Variants in SH3GL2 observed in about 807,000 individuals in gnomAD.
SH3GL2 encodes the protein SH3 domain containing GRB2 like 2, endophilin A1.
A neutral mutation model predicts 46.0 loss-of-function variants in SH3GL2; 24 were observed. The ratio of observed to expected loss-of-function variants is 0.52; its 90% CI spans 0.38 to 0.73. SH3GL2 has a LOEUF of 0.73. Ranked by LOEUF, SH3GL2 falls within the 30% of genes least tolerant of loss-of-function variation. The pLI, the probability that SH3GL2 is intolerant of heterozygous loss-of-function variation, is 0.00. For missense variants in SH3GL2, 413 were observed against 424.2 expected (o/e 0.97, Z 0.23); for synonymous variants, 196 against 147.1 (o/e 1.33, Z -2.40).
intron 1 of SH3GL2, among the ~76,000 whole-genome samples, chr9:17,614,944 T>C (rs1317990812): frequency 6.6e-6 from 1 of 152,092 alleles, no homozygotes; most frequent in Non-Finnish European, 1.5e-5. Context: ...CATTTCCAGG[T>C]ATAGGGGCAA....
intron 1 of SH3GL2, among the ~76,000 whole-genome samples, chr9:17,654,243 C>T (rs1333041427): frequency 6.6e-6 from 1 of 152,182 alleles, no homozygotes; most frequent in Non-Finnish European, 1.5e-5. Context: ...CTGAATCATC[C>T]TTTCTCTGTC....
At position 17,734,954 on chromosome 9, in the gene SH3GL2, G is replaced by A. The variant is rs551936219; in HGVS notation, c.46-12112G>A. 3.9e-5 allele frequency among the ~76,000 whole-genome samples: 6 copies of A among 152,158 alleles called. No individual in the cohort carries two copies. In the East Asian group the frequency reaches 1.2e-3, roughly 29 times the overall value. On this transcript the variant is annotated intron_variant, in intron 1 of 8. Transcript: ENST00000380607. The stretch of plus-strand genomic sequence containing the variant: ...TACTTTAAACGGGTGAACTTTATGG[G>A]ATATAAATGATATCTTTACAAAGTA...
At chr9:17,782,040 A>G (rs972202491) in intron 3 of SH3GL2, among the ~76,000 whole-genome samples, 8 of 152,174 alleles carry the variant, frequency 5.3e-5, no homozygotes, top group African/African-American at 1.9e-4. Context: ...GCACTTGCAC[A>G]TTATAGGTGC....
At chr9:17,680,605 A>T (rs1324797840) in intron 1 of SH3GL2, among the ~76,000 whole-genome samples, 4 of 152,002 alleles carry the variant, frequency 2.6e-5, no homozygotes, top group Non-Finnish European at 5.9e-5. Context: ...GATTTTTTGA[A>T]GGGTTTTTTG....
chr9:17,681,248 T>TAAC (rs1820758872), intron 1 of SH3GL2, among the ~76,000 whole-genome samples: 1 of 152,076 alleles, frequency 6.6e-6, no homozygotes, highest in Non-Finnish European at 1.5e-5. Context: ...AAAACAACAA[T>TAAC]AACAACAACA....
intron 1 of SH3GL2, among the ~76,000 whole-genome samples, chr9:17,663,411 A>G (rs144309105): frequency 0.01 from 1,565 of 152,160 alleles, 17 homozygotes; most frequent in Middle Eastern, 0.024. Context: ...TTTTCCCTCT[A>G]CTGGTTTGGC....
At chr9:17,603,246 AT>A (rs1279669835) in intron 1 of SH3GL2, among the ~76,000 whole-genome samples, 11 of 152,232 alleles carry the variant, frequency 7.2e-5, no homozygotes, top group Non-Finnish European at 1.6e-4. Context: ...TTGCAGCATT[AT>A]TGACCATAGT....
intron 1 of SH3GL2, among the ~76,000 whole-genome samples, chr9:17,623,329 G>C (rs2134606942): frequency 1.3e-5 from 2 of 152,240 alleles, no homozygotes; most frequent in Admixed American, 1.3e-4. Context: ...GCGAGGTTCA[G>C]AAAGTAGAGT....
chr9:17,593,056 C>A (rs1818513569), intron 1 of SH3GL2, among the ~76,000 whole-genome samples: 2 of 152,170 alleles, frequency 1.3e-5, no homozygotes, highest in African/African-American at 4.8e-5. Flanking sequence ...AGAGGATGTG[C>A]CTGGAGAGGG....
At chr9:17,756,511 T>C (rs1482613252) in intron 2 of SH3GL2, among the ~76,000 whole-genome samples, 2 of 134,072 alleles carry the variant, frequency 1.5e-5, no homozygotes, top group African/African-American at 5.6e-5. Context: ...ATGTGTGATG[T>C]TCCCCTTCCT....
At chr9:17,664,169 A>G (rs1397623898) in intron 1 of SH3GL2, among the ~76,000 whole-genome samples, 4 of 152,212 alleles carry the variant, frequency 2.6e-5, no homozygotes, top group Admixed American at 6.5e-5. Context: ...TTGGAGTGCT[A>G]TTCAGCTGTG....
intron 1 of SH3GL2, among the ~76,000 whole-genome samples, chr9:17,655,636 G>A (rs1331347913): frequency 6.6e-6 from 1 of 152,182 alleles, no homozygotes; most frequent in Non-Finnish European, 1.5e-5. Context: ...AAAAATAAAT[G>A]TTTTGAAATG....
chr9:17,588,809 T>G lies in SH3GL2; in HGVS notation c.45+9522T>G, dbSNP rs1342017486. ...ATGGGTATTGTTTTAAGCTGCTAAA[T>G]TTGTGGTAATTTGTTATACAACAGC... On this transcript the variant is annotated intron_variant, in intron 1 of 8. Transcript: ENST00000380607. 2.0e-5 allele frequency among the ~76,000 whole-genome samples: 3 copies of G among 152,190 alleles called. No homozygotes were observed. In the East Asian group the frequency reaches 5.8e-4, roughly 29 times the overall value.
intron 1 of SH3GL2, among the ~76,000 whole-genome samples, chr9:17,696,232 C>A (rs976837081): frequency 2.0e-5 from 3 of 152,054 alleles, no homozygotes; most frequent in Admixed American, 6.6e-5. Flanking sequence ...AGCTTTATAA[C>A]TCAAGGATAT....
At chr9:17,744,417 G>A (rs1487837009) in intron 1 of SH3GL2, among the ~76,000 whole-genome samples, 1 of 151,602 alleles carries the variant, frequency 6.6e-6, no homozygotes, top group Non-Finnish European at 1.5e-5. Context: ...CCAGGCTGGA[G>A]TGCAGTGGCA....
At chr9:17,605,054 C>G (rs939730404) in intron 1 of SH3GL2, among the ~76,000 whole-genome samples, 3 of 150,098 alleles carry the variant, frequency 2.0e-5, no homozygotes, top group African/African-American at 7.4e-5. Context: ...CTCACTGCAA[C>G]CTCAACTTCC....
At chr9:17,647,818 G>A (rs1042107420) in intron 1 of SH3GL2, among the ~76,000 whole-genome samples, 1 of 152,162 alleles carries the variant, frequency 6.6e-6, no homozygotes, top group African/African-American at 2.4e-5. Context: ...CATTTTTACA[G>A]TTGAACTTTG....
chr9:17,728,825 A>G (rs34657366), intron 1 of SH3GL2, among the ~76,000 whole-genome samples: 3 of 152,152 alleles, frequency 2.0e-5, no homozygotes, highest in African/African-American at 7.2e-5. Context: ...TTATGGCTGC[A>G]TAGTATTCCA....
chr9:17,584,070 T>A (rs1818324923), intron 1 of SH3GL2, among the ~76,000 whole-genome samples: 1 of 152,186 alleles, frequency 6.6e-6, no homozygotes, highest in South Asian at 2.1e-4. Context: ...TAGTCTCTAA[T>A]AGGCTGCAAG....
Sources: allele counts gnomAD v4.1 joint callset (sites outside exome capture counted in the v4.1 genomes callset), GRCh38; gene constraint gnomAD v4.1.1; transcripts MANE v1.5; gene names NCBI Gene and HGNC (gene_info 2026-07-23, HGNC 2026-07-21).